TOGARAM2: variants seen among roughly 807,000 people sequenced by gnomAD.
TOGARAM2 encodes TOG array regulator of axonemal microtubules protein 2.
Under a neutral mutation model 93.3 loss-of-function variants are expected in TOGARAM2, and 85 were observed. The ratio of observed to expected loss-of-function variants is 0.91; its 90% CI spans 0.76 to 1.09. The LOEUF (loss-of-function observed/expected upper bound fraction) is 1.09, where lower values mean the gene tolerates loss of function less well. Among genes scored for constraint, TOGARAM2 ranks in the 50% least tolerant of loss-of-function variants. The pLI, the probability that TOGARAM2 is intolerant of heterozygous loss-of-function variation, is 0.00. For missense variants in TOGARAM2, 1,277 were observed against 1,334.5 expected (o/e 0.96, Z 0.67); for synonymous variants, 593 against 552.8 (o/e 1.07, Z -1.02).
In TOGARAM2 at chr2:28,999,342, GACC is replaced by G; in HGVS notation, c.303_305del (p.Asp101_Gln102delinsGlu). Reference sequence around the variant, plus strand: ...GAACCTCAGGGCCTTGTCTTTGGGGGACCAGCCCCTGGTGCTCCTCCCTTCTCC... The same window carrying G: ...GAACCTCAGGGCCTTGTCTTTGGGGGAGCCCCTGGTGCTCCTCCCTTCTCC... On this transcript the variant is annotated inframe_deletion, in exon 4 of 20. Coordinates refer to ENST00000379558, the MANE Select transcript of TOGARAM2 (RefSeq NM_199280.4). 6.2e-7 allele frequency: 1 copy of G among 1,613,668 alleles called. No individual in the cohort carries two copies. Among genetic ancestry groups the G allele is most frequent in the Non-Finnish European group, 8.5e-7 (1 of 1,179,770 alleles).
chr2:29,016,620 G>A (rs144952821), intron 8 of TOGARAM2, among the ~76,000 whole-genome samples: 59 of 152,282 alleles, frequency 3.9e-4, no homozygotes, highest in Non-Finnish European at 6.3e-4. Flanking sequence ...AACCTTAAAC[G>A]GCTTCCTGTG....
At chr2:28,979,436 C>T (rs1672087606), upstream of TOGARAM2, among the ~76,000 whole-genome samples, 1 of 152,200 alleles carries the variant, frequency 6.6e-6, no homozygotes, top group Admixed American at 6.5e-5. Flanking sequence ...CCTAAGATGT[C>T]ATTGCTGGGA....
In TOGARAM2 at chr2:28,981,553, G is replaced by A. The variant is rs533113143; in HGVS notation, c.-111+15G>A. ...TGGACAGAGAGGTGAGAGACGATAGGTCCACCAAGCCATCTATTGTAGGTG... is the reference window on the plus strand; with the variant it reads ...TGGACAGAGAGGTGAGAGACGATAGATCCACCAAGCCATCTATTGTAGGTG... On this transcript the variant is annotated intron_variant, in intron 1 of 19. Transcript: ENST00000379558. 3 of 152,466 alleles carry A rather than the reference G, an allele frequency of 2.0e-5. No individual in the cohort carries two copies. The highest frequency in any genetic ancestry group is 4.4e-5 in the Non-Finnish European group (3 of 68,228). The allele number at this position is 152,466 out of a possible 1,614,324, so 9.4% of individuals were successfully genotyped here.
chr2:29,026,846 C>G lies in TOGARAM2; in HGVS notation c.1854-7C>G, dbSNP rs1390449903. Reference sequence around the variant, plus strand: ...AGACTGACCCCTGGGCCATGATTTCCTTTCAGCCACCGGAACCCCTTGATC... The same window carrying G: ...AGACTGACCCCTGGGCCATGATTTCGTTTCAGCCACCGGAACCCCTTGATC... On this transcript the variant is annotated splice_polypyrimidine_tract_variant and splice_region_variant and intron_variant, in intron 13 of 19. Coordinates refer to ENST00000379558, the MANE Select transcript of TOGARAM2 (RefSeq NM_199280.4). 6.3e-7 allele frequency: 1 copy of G among 1,579,408 alleles called. No individual in the cohort carries two copies. Among genetic ancestry groups the G allele is most frequent in the Non-Finnish European group, 8.6e-7 (1 of 1,160,284 alleles).
At chr2:29,040,984 T>C (rs1219091698) in intron 18 of TOGARAM2, among the ~76,000 whole-genome samples, 1 of 151,796 alleles carries the variant, frequency 6.6e-6, no homozygotes, top group Non-Finnish European at 1.5e-5. Context: ...TTTAAAAAAA[T>C]CATAGCATAA....
intron 1 of TOGARAM2, among the ~76,000 whole-genome samples, chr2:28,989,038 T>C (rs1181522924): frequency 6.6e-6 from 1 of 152,184 alleles, no homozygotes; most frequent in Non-Finnish European, 1.5e-5. Context: ...GGCACTCTCT[T>C]GTGGTCAGGT....
intron 19 of TOGARAM2, 104 bp downstream of exon 19, chr2:29,045,514 C>A (rs768301665): frequency 5.6e-5 from 52 of 925,096 alleles, no homozygotes; most frequent in Non-Finnish European, 6.6e-5. Context: ...CTGAAATAAT[C>A]CCCCCCAATC....
chr2:29,016,969 A>G (rs1664615457), intron 8 of TOGARAM2, among the ~76,000 whole-genome samples, 185 bp from the exon 9 acceptor site: 1 of 152,162 alleles, frequency 6.6e-6, no homozygotes, highest in Non-Finnish European at 1.5e-5. Context: ...ATACTGCCTG[A>G]TATCAGCATT....
chr2:29,033,343 A>G (rs567532194), intron 15 of TOGARAM2, 126 bp from the exon 16 acceptor site: 5 of 914,070 alleles, frequency 5.5e-6, no homozygotes, highest in Admixed American at 4.4e-5. Flanking sequence ...GGAAGGCTCA[A>G]CTGTGACATC....
chr2:29,037,191 C>A (rs1276599439), intron 18 of TOGARAM2, among the ~76,000 whole-genome samples: 1 of 152,000 alleles, frequency 6.6e-6, no homozygotes, highest in Non-Finnish European at 1.5e-5. Flanking sequence ...GAAGAGCCAT[C>A]AGGAAAGGTG....
intron 6 of TOGARAM2, among the ~76,000 whole-genome samples, chr2:29,011,208 G>A (rs146049493): frequency 3.3e-5 from 5 of 152,330 alleles, no homozygotes; most frequent in Admixed American, 1.3e-4. Flanking sequence ...TGGGGAATGC[G>A]CGAGCTGCAC....
intron 8 of TOGARAM2, among the ~76,000 whole-genome samples, chr2:29,015,850 T>C (rs1195067653): frequency 3.3e-5 from 5 of 152,092 alleles, no homozygotes; most frequent in Non-Finnish European, 7.4e-5. Flanking sequence ...CTCCCCGGCC[T>C]CTGGATGCTG....
At chr2:29,015,982 G>A (rs1305751377) in intron 8 of TOGARAM2, among the ~76,000 whole-genome samples, 1 of 152,142 alleles carries the variant, frequency 6.6e-6, no homozygotes, top group African/African-American at 2.4e-5. Context: ...TCCCTCGCCA[G>A]CCTAGACCTT....
At chr2:28,974,929 C>T (rs1050547958) in intron 1 of TOGARAM2, among the ~76,000 whole-genome samples, 33 of 151,950 alleles carry the variant, frequency 2.2e-4, no homozygotes, top group African/African-American at 7.7e-4. Context: ...CTGTGCCCGG[C>T]CTTGTTCATT....
chr2:29,012,834 T>G (rs1664333946), intron 7 of TOGARAM2, among the ~76,000 whole-genome samples: 1 of 152,198 alleles, frequency 6.6e-6, no homozygotes, highest in Non-Finnish European at 1.5e-5. Context: ...ATTCCTGCAG[T>G]CCTTGCCCTG....
In TOGARAM2 at chr2:29,032,917, T is replaced by A. The variant is rs1305761695; in HGVS notation, c.2013-17T>A. The stretch of plus-strand genomic sequence containing the variant: ...TTCAGAGGCTGTTTCTTTATCTTGC[T>A]CTCTCTCCTGTGGCAGATTTTATGG... On this transcript the variant is annotated splice_polypyrimidine_tract_variant and intron_variant, in intron 14 of 19. Transcript: ENST00000379558. The A allele has an allele frequency of 2.5e-6, 4 of 1,606,514 alleles. No homozygotes were observed. Among genetic ancestry groups the A allele is most frequent in the Non-Finnish European group, 2.6e-6 (3 of 1,174,610 alleles).
chr2:29,045,506 G>A (rs755452581), intron 19 of TOGARAM2, 96 bp downstream of exon 19: 3 of 1,053,602 alleles, frequency 2.8e-6, no homozygotes, highest in Non-Finnish European at 4.4e-6. Flanking sequence ...TCTTAGACCT[G>A]AAATAATCCC....
chr2:29,038,827 A>G (rs1429053744), intron 18 of TOGARAM2, among the ~76,000 whole-genome samples: 1 of 152,156 alleles, frequency 6.6e-6, no homozygotes, highest in Non-Finnish European at 1.5e-5. Flanking sequence ...TGCAAGCCAT[A>G]CCCTCTTAGC....
intron 1 of TOGARAM2, among the ~76,000 whole-genome samples, chr2:28,990,404 G>A (rs969732955): frequency 7.2e-5 from 11 of 152,184 alleles, no homozygotes; most frequent in African/African-American, 1.2e-4. Flanking sequence ...AGAGTTTCCC[G>A]GGGCTGCAGA....
Sources: allele counts gnomAD v4.1 joint callset (sites outside exome capture counted in the v4.1 genomes callset), GRCh38; gene constraint gnomAD v4.1.1; transcripts MANE v1.5; gene names NCBI Gene and HGNC (gene_info 2026-07-23, HGNC 2026-07-21).